DYNLT2: variants seen among roughly 807,000 people sequenced by gnomAD.
DYNLT2 encodes dynein light chain Tctex-type protein 2.
A neutral mutation model predicts 24.3 loss-of-function variants in DYNLT2; 24 were observed. That is an observed-to-expected ratio of 0.99 (90% CI 0.71 to 1.39). The LOEUF is 1.39. Ranked by LOEUF, DYNLT2 falls within the 40% of genes most tolerant of loss-of-function variation. The probability of loss-of-function intolerance (pLI) is 0.00; values close to 1 mark genes in which losing one functional copy is unlikely to be tolerated. For synonymous variants in DYNLT2, 85 were observed against 85.4 expected, an observed-to-expected ratio of 1.00 and a Z score of 0.03; for missense variants, 246 against 234.5, an observed-to-expected ratio of 1.05 and a Z score of -0.32.
downstream of DYNLT2, among the ~76,000 whole-genome samples, chr6:169,739,755 CA>C (rs1416163461): frequency 1.3e-5 from 2 of 152,034 alleles, no homozygotes; most frequent in Admixed American, 6.6e-5. Flanking sequence ...CCTTTCAAAA[CA>C]ATGAATACAA....
the DYNLT2 span, among the ~76,000 whole-genome samples, chr6:169,727,564 G>GGT: frequency 3.3e-5 from 5 of 151,644 alleles, no homozygotes; most frequent in South Asian, 6.3e-4. Flanking sequence ...TTGTTTTTTT[G>GGT]TTTTTTTGTT....
chr6:169,739,903 A>G (rs1223293665), downstream of DYNLT2, among the ~76,000 whole-genome samples: 5 of 152,064 alleles, frequency 3.3e-5, no homozygotes, highest in Non-Finnish European at 7.4e-5. Flanking sequence ...TTTTCCCTAT[A>G]CTCTACTATA....
intron 3 of DYNLT2, 39 bp downstream of exon 3, chr6:169,743,041 A>G: frequency 7.0e-7 from 1 of 1,422,756 alleles, no homozygotes; most frequent in East Asian, 2.5e-5. Context: ...GATGCCTTAT[A>G]GTTCTAATTG....
At chr6:169,740,047 T>A (rs997886364), downstream of DYNLT2, 68 of 601,078 alleles carry the variant, frequency 1.1e-4, 1 homozygote, top group Non-Finnish European at 1.2e-5. Context: ...TACTTTGTTG[T>A]TAAAATAATA....
the DYNLT2 span, among the ~76,000 whole-genome samples, chr6:169,734,125 A>G: frequency 1.3e-5 from 2 of 152,190 alleles, no homozygotes; most frequent in African/African-American, 4.8e-5. Flanking sequence ...ATTTTTGCAC[A>G]TTGATTTTGT....
At chr6:169,740,071 T>A, downstream of DYNLT2, 1 of 696,266 alleles carries the variant, frequency 1.4e-6, no homozygotes, top group East Asian at 2.7e-5. Context: ...TTGAAAGGCC[T>A]CAAATGAGAA....
chr6:169,725,231 C>G, the DYNLT2 span: 1 of 398,640 alleles, frequency 2.5e-6, no homozygotes, highest in Non-Finnish European at 4.4e-6. Flanking sequence ...CCACTGCCTG[C>G]GCCTGCAGAT....
At chr6:169,736,521 T>A (rs1789565742), downstream of DYNLT2, among the ~76,000 whole-genome samples, 1 of 152,212 alleles carries the variant, frequency 6.6e-6, no homozygotes, top group African/African-American at 2.4e-5. Flanking sequence ...GGTAACAAAA[T>A]CCCTCAGCAT....
chr6:169,739,431 A>G (rs1461405376), downstream of DYNLT2, among the ~76,000 whole-genome samples: 1 of 152,184 alleles, frequency 6.6e-6, no homozygotes, highest in Non-Finnish European at 1.5e-5. Context: ...CAACTGGTCT[A>G]GTCATAGGAA....
chr6:169,747,210 G>A (rs1234845238), intron 1 of DYNLT2, among the ~76,000 whole-genome samples: 6 of 151,886 alleles, frequency 4.0e-5, no homozygotes, highest in African/African-American at 9.7e-5. Flanking sequence ...TGTGTGTAAC[G>A]TTCCTTTGTT....
At chr6:169,748,098 T>A (rs1324845608) in intron 1 of DYNLT2, among the ~76,000 whole-genome samples, 1 of 152,108 alleles carries the variant, frequency 6.6e-6, no homozygotes, top group Non-Finnish European at 1.5e-5. Context: ...TGTCCAAGGA[T>A]TTTTTTTCTG....
the DYNLT2 span, chr6:169,725,116 C>T: frequency 1.3e-5 from 5 of 398,674 alleles, no homozygotes; most frequent in South Asian, 6.4e-4. Context: ...TATTACTGAT[C>T]TCGGGCTGCA....
chr6:169,726,422 C>T, the DYNLT2 span, among the ~76,000 whole-genome samples: 1 of 152,032 alleles, frequency 6.6e-6, no homozygotes, highest in African/African-American at 2.4e-5. Context: ...GGTAGATGTG[C>T]AATGGAAGTA....
At chr6:169,731,061 G>A in the DYNLT2 span, among the ~76,000 whole-genome samples, 5 of 152,056 alleles carry the variant, frequency 3.3e-5, no homozygotes, top group African/African-American at 4.8e-5. Context: ...TCTTGGTACA[G>A]GTCTCAACAT....
intron 1 of DYNLT2, among the ~76,000 whole-genome samples, chr6:169,745,102 T>C (rs925397593): frequency 6.9e-6 from 1 of 145,240 alleles, no homozygotes; most frequent in Non-Finnish European, 1.5e-5. Flanking sequence ...TTTTTGTTTG[T>C]TTTTTTTTTT....
the DYNLT2 span, chr6:169,725,515 T>G: frequency 4.6e-5 from 18 of 394,816 alleles, no homozygotes; most frequent in African/African-American, 3.3e-4. Flanking sequence ...CATCCGTTCT[T>G]GCCTCTGTCC....
intron 1 of DYNLT2, among the ~76,000 whole-genome samples, 170 bp from the exon 2 acceptor site, chr6:169,744,444 C>T (rs1181337412): frequency 1.3e-5 from 2 of 151,516 alleles, no homozygotes; most frequent in African/African-American, 2.4e-5. Context: ...CCTAGATTCA[C>T]TCCTGGCTAT....
the DYNLT2 span, among the ~76,000 whole-genome samples, chr6:169,732,170 G>T: frequency 6.6e-6 from 1 of 152,036 alleles, no homozygotes; most frequent in African/African-American, 2.4e-5. Flanking sequence ...CTGTATAATG[G>T]TGGAGTGATT....
In DYNLT2 at chr6:169,751,505, C is replaced by T. The variant is rs756714957; in HGVS notation, c.-47G>A. On this transcript the variant is annotated 5_prime_UTR_variant, in exon 1 of 4. Transcript: ENST00000366774. The stretch of plus-strand genomic sequence containing the variant: ...CCCACCGCCTCCCCTTCACCGCCGG[C>T]GGTCAAACGCCCTAGCCAGTCCCGC... 3.1e-6 allele frequency: 5 copies of T among 1,610,694 alleles called. No homozygotes were observed. The highest frequency in any genetic ancestry group is 3.3e-5 in the Admixed American group (2 of 59,760).
Sources: gnomAD v4.1 joint callset for allele counts (sites outside exome capture counted in the v4.1 genomes callset) on GRCh38, gnomAD v4.1.1 for gene constraint, MANE v1.5 for transcripts, NCBI Gene and HGNC (gene_info 2026-07-23, HGNC 2026-07-21) for gene names.